The following HEXA variants were observed in gnomAD, a reference collection of about 807,000 sequenced individuals.
HEXA encodes beta-hexosaminidase subunit alpha.
Under a neutral mutation model 73.3 loss-of-function variants are expected in HEXA, and 54 were observed. The observed-to-expected ratio is 0.74, with a 90% confidence interval of 0.59 to 0.92. HEXA has a LOEUF of 0.92. HEXA is among the 40% of genes least tolerant of loss of function. The pLI, the probability that HEXA is intolerant of heterozygous loss-of-function variation, is 0.00. For synonymous variants in HEXA, 230 were observed against 246.9 expected (o/e 0.93, Z 0.64); for missense variants, 649 against 653.0 (o/e 0.99, Z 0.07).
intron 1 of HEXA, 63 bp from the exon 2 acceptor site, chr15:72,356,680 G>T: frequency 6.2e-7 from 1 of 1,606,918 alleles, no homozygotes. Flanking sequence ...GCAAAACCAA[G>T]ACCCTAGCTC....
intron 1 of HEXA, among the ~76,000 whole-genome samples, chr15:72,367,129 G>T (rs1164202174): frequency 2.0e-5 from 3 of 152,060 alleles, no homozygotes; most frequent in Non-Finnish European, 2.9e-5. Flanking sequence ...TTTCAGTAGA[G>T]ATGGGGTTTC....
intron 5 of HEXA, among the ~76,000 whole-genome samples, chr15:72,352,690 G>C (rs1185555424): frequency 6.8e-6 from 1 of 146,600 alleles, no homozygotes; most frequent in South Asian, 2.2e-4. Flanking sequence ...TTGAGACAGC[G>C]TCTCACTCTT....
intron 5 of HEXA, among the ~76,000 whole-genome samples, chr15:72,352,065 T>A (rs957736037): frequency 3.3e-5 from 5 of 152,158 alleles, no homozygotes; most frequent in Non-Finnish European, 5.9e-5. Context: ...CAGGTGATTC[T>A]CCCATCACAG....
intron 7 of HEXA, among the ~76,000 whole-genome samples, chr15:72,349,925 G>A (rs957280421): frequency 2.0e-5 from 3 of 152,016 alleles, no homozygotes; most frequent in Non-Finnish European, 2.9e-5. Flanking sequence ...CACCACGCCT[G>A]GCTAATTTTT....
intron 6 of HEXA, 71 bp from the exon 7 acceptor site, chr15:72,350,721 C>CT: frequency 6.4e-7 from 1 of 1,569,190 alleles, no homozygotes; most frequent in Non-Finnish European, 8.8e-7. Flanking sequence ...ACTCAAAATG[C>CT]CCACAAGACT....
At chr15:72,370,830 A>G (rs2088982467) in intron 1 of HEXA, 1 of 391,012 alleles carries the variant, frequency 2.6e-6, no homozygotes, top group Non-Finnish European at 4.5e-6. Context: ...CCCTTCAACT[A>G]AAAACTGTGC....
chr15:72,370,120 A>T (rs574668801), intron 1 of HEXA: 3 of 149,132 alleles, frequency 2.0e-5, no homozygotes, highest in Admixed American at 6.7e-5. Context: ...AAAAAAAGGA[A>T]GTAGCAGCAA....
intron 1 of HEXA, among the ~76,000 whole-genome samples, chr15:72,361,468 A>G (rs2088852461): frequency 6.6e-6 from 1 of 152,064 alleles, no homozygotes; most frequent in Non-Finnish European, 1.5e-5. Context: ...ATGACTCCCA[A>G]ATCTATCTTT....
chr15:72,369,242 C>A (rs1264705606), intron 1 of HEXA, among the ~76,000 whole-genome samples: 1 of 152,180 alleles, frequency 6.6e-6, no homozygotes, highest in East Asian at 1.9e-4. Flanking sequence ...GCCAGGAATA[C>A]AGAAGAAAAT....
chr15:72,356,769 A>C (rs922455671), intron 1 of HEXA, 152 bp from the exon 2 acceptor site: 1 of 1,134,846 alleles, frequency 8.8e-7, no homozygotes, highest in Non-Finnish European at 1.3e-6. Context: ...GTGCCTGATC[A>C]TCTGTTCAGC....
At chr15:72,351,093 A>G (rs759062735) in intron 6 of HEXA, 40 bp downstream of exon 6, 4 of 1,289,184 alleles carry the variant, frequency 3.1e-6, no homozygotes, top group Non-Finnish European at 2.3e-6. Flanking sequence ...AGATTCAGAC[A>G]TTGACCCATA....
chr15:72,360,204 A>G (rs911730580), intron 1 of HEXA: 3 of 153,230 alleles, frequency 2.0e-5, no homozygotes, highest in Non-Finnish European at 2.9e-5. Flanking sequence ...CGGCTACTGT[A>G]CCCTACTGGA....
rs770093080 is a variant in HEXA, at chr15:72,375,719, C to T, written c.253+1G>A. ...AACAGGGCGGGACAAGTCCGACTCA[C>T]CTGTGAGGTAAGGACGGGGCCAAGA... On this transcript the variant is annotated splice_donor_variant, in intron 1 of 13. Transcript: ENST00000268097. LOFTEE classifies it high-confidence loss of function. The T allele has an allele frequency of 3.7e-6, 6 of 1,614,114 alleles. No individual in the cohort carries two copies.
At chr15:72,375,588 G>C in intron 1 of HEXA, 132 bp downstream of exon 1, 2 of 930,928 alleles carry the variant, frequency 2.1e-6, no homozygotes, top group Admixed American at 4.6e-5. Context: ...AATGCAGCTC[G>C]AGGAGGAAGT....
intron 13 of HEXA, chr15:72,345,203 C>T: frequency 3.3e-6 from 2 of 597,994 alleles, no homozygotes; most frequent in South Asian, 2.0e-5. Flanking sequence ...TTACTTATAC[C>T]TAATACAATA....
At chr15:72,371,326 T>G (rs1297593058) in intron 1 of HEXA, among the ~76,000 whole-genome samples, 1 of 152,144 alleles carries the variant, frequency 6.6e-6, no homozygotes, top group Non-Finnish European at 1.5e-5. Flanking sequence ...AAATCATATC[T>G]TTTTGATGAT....
chr15:72,345,515 C>A lies in HEXA; in HGVS notation c.1457G>T (p.Ser486Ile). Residue 486 changes from serine (S) to isoleucine (I), a missense_variant, in exon 13 of 14, where the codon AGC (serine) becomes ATC (isoleucine). Coordinates refer to ENST00000268097, the MANE Select transcript of HEXA (RefSeq NM_000520.6). The part of the protein sequence containing the change: ...RAGAVAERLW[S>I]NKLTSDLTFA... ...TGTCAGGTCAGATGTCAACTTGTTGCTCCACAGCCTTTCGGCAACAGCCCC... is the reference window on the plus strand; with the variant it reads ...TGTCAGGTCAGATGTCAACTTGTTGATCCACAGCCTTTCGGCAACAGCCCC... 1 of 1,614,256 alleles carries A rather than the reference C, an allele frequency of 6.2e-7. No homozygotes were observed. The highest frequency in any genetic ancestry group is 8.5e-7 in the Non-Finnish European group (1 of 1,180,038).
chr15:72,348,584 A>C (rs574383917), intron 8 of HEXA, among the ~76,000 whole-genome samples: 1 of 152,258 alleles, frequency 6.6e-6, no homozygotes, highest in African/African-American at 2.4e-5. Context: ...TCCCCTGCTC[A>C]CATCTCCAAA....
chr15:72,344,188 C>A, intron 13 of HEXA, 48 bp from the exon 14 acceptor site: 4 of 1,422,096 alleles, frequency 2.8e-6, no homozygotes, highest in Non-Finnish European at 4.0e-6. Context: ...TCAGAAGGGG[C>A]CCCAGCAACA....
Sources: allele counts gnomAD v4.1 joint callset (sites outside exome capture counted in the v4.1 genomes callset), GRCh38; gene constraint gnomAD v4.1.1; transcripts MANE v1.5; gene names NCBI Gene and HGNC (gene_info 2026-07-23, HGNC 2026-07-21).